PHF20: variants seen among roughly 807,000 people sequenced by gnomAD.
PHF20 encodes the protein PHD finger protein 20.
A neutral mutation model predicts 113.5 loss-of-function variants in PHF20; 23 were observed. The ratio of observed to expected loss-of-function variants is 0.20; its 90% confidence interval spans 0.15 to 0.29. The LOEUF is 0.29. Among genes scored for constraint, PHF20 ranks in the 10% least tolerant of loss-of-function variants. The pLI is 1.00. For missense variants in PHF20, 943 were observed against 1,219.6 expected (o/e 0.77, Z 3.38); for synonymous variants, 434 against 457.3 (o/e 0.95, Z 0.65).
At chr20:35,806,137 A>G (rs2041876743) in intron 2 of PHF20, among the ~76,000 whole-genome samples, 1 of 150,060 alleles carries the variant, frequency 6.7e-6, no homozygotes, top group Non-Finnish European at 1.5e-5. Flanking sequence ...TGCTGGGATT[A>G]CAAGCGTGAG....
intron 14 of PHF20, 108 bp downstream of exon 14, chr20:35,927,987 A>T: frequency 1.2e-6 from 1 of 800,720 alleles, no homozygotes; most frequent in Non-Finnish European, 2.2e-6. Context: ...TTTCTTCAGC[A>T]TCGGCTAGAC....
chr20:35,793,921 G>C (rs577386543), intron 1 of PHF20, among the ~76,000 whole-genome samples: 3 of 150,216 alleles, frequency 2.0e-5, no homozygotes, highest in South Asian at 4.2e-4. Context: ...GCTTGAACCT[G>C]GGAGGCGGAG....
At chr20:35,837,293 A>T (rs189503789) in intron 2 of PHF20, among the ~76,000 whole-genome samples, 1 of 152,310 alleles carries the variant, frequency 6.6e-6, no homozygotes, top group East Asian at 1.9e-4. Flanking sequence ...ACTAAAGCAA[A>T]AATCTCTTGG....
intron 3 of PHF20, 40 bp downstream of exon 3, chr20:35,842,784 C>T: frequency 1.9e-6 from 3 of 1,566,322 alleles, no homozygotes; most frequent in Non-Finnish European, 2.6e-6. Context: ...TATGCAAGGT[C>T]AGCCATTGGG....
chr20:35,930,542 G>A (rs962341917), intron 14 of PHF20, among the ~76,000 whole-genome samples: 1 of 152,086 alleles, frequency 6.6e-6, no homozygotes, highest in Non-Finnish European at 1.5e-5. Context: ...GCATGGTGGT[G>A]CACACCTGTA....
At chr20:35,826,683 G>A (rs1236441721) in intron 2 of PHF20, among the ~76,000 whole-genome samples, 1 of 152,164 alleles carries the variant, frequency 6.6e-6, no homozygotes, top group African/African-American at 2.4e-5. Flanking sequence ...ATTTAAGCAG[G>A]AGAGAGACAT....
At chr20:35,841,485 T>C (rs889940831) in intron 2 of PHF20, among the ~76,000 whole-genome samples, 26 of 151,968 alleles carry the variant, frequency 1.7e-4, no homozygotes, top group African/African-American at 6.3e-4. Flanking sequence ...AACCGCGTAG[T>C]ATAAGGCTGG....
intron 4 of PHF20, chr20:35,855,548 A>G (rs2042811897): frequency 6.5e-6 from 1 of 153,386 alleles, no homozygotes; most frequent in African/African-American, 2.4e-5. Context: ...TGTATTTATG[A>G]GTTACATGAG....
chr20:35,889,063 C>T (rs1158425672), intron 9 of PHF20, among the ~76,000 whole-genome samples: 1 of 133,772 alleles, frequency 7.5e-6, no homozygotes, highest in Non-Finnish European at 1.5e-5. Flanking sequence ...GTCACCTAGG[C>T]TGGAGTGCAC....
At position 35,869,533 on chromosome 20, in the gene PHF20, C is replaced by T. The variant is rs774363401; in HGVS notation, c.904C>T (p.Arg302Trp). 4.4e-6 allele frequency: 7 copies of T among 1,594,680 alleles called. No individual in the cohort carries two copies. Among genetic ancestry groups the T allele is most frequent in the African/African-American group, 2.7e-5 (2 of 74,484 alleles). ...ATGTGAAGTCCCATTAAAACGTCCT[C>T]GGCTTGACAAAAATTCATGTGAGTC... ...KGCEVPLKRP[R>W]LDKNSSQEKS... is the part of the protein sequence containing the mutation. The change falls in exon 7 of 18, where the codon CGG (arginine) becomes TGG (tryptophan). Residue 302 changes from arginine (R) to tryptophan (W), a missense_variant. Around this residue, in one of 3 missense-constraint regions of PHF20, gnomAD observed 592 missense variants for 787.2 expected, o/e 0.75. Coordinates refer to ENST00000374012, the MANE Select transcript of PHF20 (RefSeq NM_016436.5).
chr20:35,826,194 C>T (rs771405531), intron 2 of PHF20, among the ~76,000 whole-genome samples: 31 of 152,290 alleles, frequency 2.0e-4, no homozygotes, highest in Non-Finnish European at 4.1e-4. Flanking sequence ...CAGGTGCCCG[C>T]CACCACACTC....
intron 1 of PHF20, among the ~76,000 whole-genome samples, chr20:35,772,945 G>A (rs1219963165): frequency 6.6e-6 from 1 of 152,136 alleles, no homozygotes; most frequent in Admixed American, 6.6e-5. Context: ...TCAAACCTGA[G>A]GTTGGGCCGA....
intron 2 of PHF20, among the ~76,000 whole-genome samples, chr20:35,833,966 G>C (rs935781680): frequency 9.9e-5 from 15 of 151,996 alleles, no homozygotes; most frequent in African/African-American, 3.6e-4. Flanking sequence ...GCTGAGGCAG[G>C]GGAATTGCTT....
At chr20:35,917,836 C>A (rs903161643) in intron 13 of PHF20, among the ~76,000 whole-genome samples, 174 bp downstream of exon 13, 13 of 152,280 alleles carry the variant, frequency 8.5e-5, no homozygotes, top group African/African-American at 2.2e-4. Context: ...GGCTGCCATA[C>A]ATAGTCCATT....
At chr20:35,911,258 G>T (rs2055297572) in intron 10 of PHF20, among the ~76,000 whole-genome samples, 1 of 151,560 alleles carries the variant, frequency 6.6e-6, no homozygotes, top group Non-Finnish European at 1.5e-5. Context: ...TAGCCAGGAT[G>T]GTCTCAATCT....
intron 2 of PHF20, among the ~76,000 whole-genome samples, chr20:35,824,855 A>G (rs143609874): frequency 1.0e-3 from 158 of 152,274 alleles, no homozygotes; most frequent in Non-Finnish European, 2.0e-3. Context: ...ATGGAGTCAT[A>G]CAGTAGGTGA....
chr20:35,872,454 C>T (rs866706299), intron 9 of PHF20, among the ~76,000 whole-genome samples: 2 of 152,052 alleles, frequency 1.3e-5, no homozygotes, highest in African/African-American at 4.8e-5. Flanking sequence ...ACCCAGGAGG[C>T]GGAGGTTGCG....
intron 2 of PHF20, among the ~76,000 whole-genome samples, chr20:35,806,666 C>G (rs2041886407): frequency 2.0e-5 from 3 of 151,968 alleles, no homozygotes; most frequent in African/African-American, 7.3e-5. Flanking sequence ...TTAGTCTATT[C>G]CATTGATTTA....
chr20:35,874,163 A>G (rs1372769462), intron 9 of PHF20, among the ~76,000 whole-genome samples: 2 of 152,100 alleles, frequency 1.3e-5, no homozygotes, highest in Non-Finnish European at 2.9e-5. Flanking sequence ...TTTAGTAGAG[A>G]TGGGGTTTCA....
Sources: gnomAD v4.1 joint callset for allele counts (sites outside exome capture counted in the v4.1 genomes callset) on GRCh38, gnomAD v4.1.1 for gene constraint, gnomAD v4.1.1 regional missense constraint, MANE v1.5 for transcripts, NCBI Gene and HGNC (gene_info 2026-07-23, HGNC 2026-07-21) for gene names.